Variants in FANCI observed in about 807,000 individuals in gnomAD.
FANCI encodes the protein FA complementation group I, also known as Fanconi anemia group I protein.
FANCI carries 156 observed loss-of-function variants against 176.1 expected under a neutral mutation model. The observed-to-expected ratio is 0.89, with a 90% confidence interval of 0.78 to 1.01. The LOEUF (loss-of-function observed/expected upper bound fraction) is 1.01, where lower values mean the gene tolerates loss of function less well. FANCI is among the 50% of genes least tolerant of loss of function. The probability of loss-of-function intolerance (pLI) is 0.00; values close to 1 mark genes in which losing one functional copy is unlikely to be tolerated. For missense variants in FANCI, 1,678 were observed against 1,534.1 expected, an observed-to-expected ratio of 1.09 and a Z score of -1.57; for synonymous variants, 613 against 541.7, an observed-to-expected ratio of 1.13 and a Z score of -1.83.
intron 34 of FANCI, among the ~76,000 whole-genome samples, chr15:89,310,700 T>C (rs2054920435): frequency 6.6e-6 from 1 of 152,268 alleles, no homozygotes; most frequent in African/African-American, 2.4e-5. Flanking sequence ...TCCACACCTC[T>C]CAGTGAACTG....
chr15:89,269,627 C>G lies in FANCI; in HGVS notation c.882+1102C>G, dbSNP rs372681622. ...TGATGTGTACATTTTCTTGCAAGGG[C>G]CAGATACTAATATTTTACACTTTGC... is the stretch of plus-strand genomic sequence containing the variant. On this transcript the variant is annotated intron_variant, in intron 10 of 37. Coordinates refer to ENST00000310775, the MANE Select transcript of FANCI (RefSeq NM_001113378.2). Among the ~76,000 whole-genome samples, 6 of 152,256 alleles carry G rather than the reference C, an allele frequency of 3.9e-5. No homozygotes were observed. In the East Asian group the frequency reaches 1.2e-3, roughly 29 times the overall value.
chr15:89,305,980 G>C (rs1208227822), intron 31 of FANCI, 27 bp from the exon 32 acceptor site: 1 of 1,613,332 alleles, frequency 6.2e-7, no homozygotes, highest in Admixed American at 1.7e-5. Context: ...AGTTGGGTTT[G>C]AATGTGCCAA....
chr15:89,279,276 G>A (rs1223753620), intron 14 of FANCI, among the ~76,000 whole-genome samples: 1 of 152,152 alleles, frequency 6.6e-6, no homozygotes, highest in African/African-American at 2.4e-5. Context: ...TCGTGTCTCA[G>A]CCTCCTCAGT....
chr15:89,307,511 A>T lies in FANCI; in HGVS notation c.3573A>T (p.Pro1191=). 1 of 1,614,122 alleles carries T rather than the reference A, an allele frequency of 6.2e-7. No individual in the cohort carries two copies. Among genetic ancestry groups the T allele is most frequent in the Non-Finnish European group, 8.5e-7 (1 of 1,179,988 alleles). ...LQVCQSSGGI[P]KNMEKLVKLS... is the part of the protein sequence containing the mutation. Reference sequence around the variant, plus strand: ...TGTGTCAGAGCTCCGGAGGAATTCCAAAAAATATGGAAAAGCTGGTGAGTT... The same window carrying T: ...TGTGTCAGAGCTCCGGAGGAATTCCTAAAAATATGGAAAAGCTGGTGAGTT... Residue 1191 remains proline (P), a synonymous_variant, in exon 33 of 38, where the codon CCA becomes CCT. Transcript: ENST00000310775.
intron 28 of FANCI, 148 bp from the exon 29 acceptor site, chr15:89,304,967 G>A: frequency 1.3e-6 from 1 of 797,552 alleles, no homozygotes; most frequent in South Asian, 1.4e-5. Context: ...GTAGAGACGG[G>A]GTTTCTCCAT....
In FANCI at chr15:89,261,755, G is replaced by A. The variant is rs762378388; in HGVS notation, c.445+14G>A. 2.0e-5 allele frequency: 32 copies of A among 1,613,946 alleles called. No homozygotes were observed. Among genetic ancestry groups the A allele is most frequent in the Middle Eastern group, 1.6e-4 (1 of 6,082 alleles). On this transcript the variant is annotated intron_variant, in intron 5 of 37. Coordinates refer to ENST00000310775, the MANE Select transcript of FANCI (RefSeq NM_001113378.2). ...CTTATGGAAAAGGTAATTTTCTTCC[G>A]ACTTTAGTGGCTTTTTCTCTATGCA...
At chr15:89,283,068 T>C (rs1040658780) in intron 16 of FANCI, 68 bp from the exon 17 acceptor site, 2 of 1,527,362 alleles carry the variant, frequency 1.3e-6, no homozygotes, top group Non-Finnish European at 1.8e-6. Context: ...ACTAGCTGGA[T>C]TTTTCTGACC....
chr15:89,302,116 G>A (rs1314111009), intron 27 of FANCI, among the ~76,000 whole-genome samples: 1 of 152,194 alleles, frequency 6.6e-6, no homozygotes, highest in Non-Finnish European at 1.5e-5. Context: ...GCCCAGGACT[G>A]TGTGCTCCTA....
chr15:89,262,913 T>C (rs2052775048), intron 6 of FANCI, among the ~76,000 whole-genome samples: 1 of 152,236 alleles, frequency 6.6e-6, no homozygotes, highest in African/African-American at 2.4e-5. Context: ...TAATTTTAAA[T>C]AGAGATGGGA....
chr15:89,305,026 T>G (rs2054663438), intron 28 of FANCI, 89 bp from the exon 29 acceptor site: 24 of 1,514,620 alleles, frequency 1.6e-5, no homozygotes, highest in Non-Finnish European at 2.2e-5. Flanking sequence ...TCCACCCGCC[T>G]TGGCCTCCCA....
rs777188335 is a variant in FANCI, at chr15:89,290,265, A to G, written c.1874A>G (p.Gln625Arg). 1.9e-6 allele frequency: 3 copies of G among 1,613,604 alleles called. No individual in the cohort carries two copies. The highest frequency in any genetic ancestry group is 2.2e-5 in the South Asian group (2 of 91,078). ...RNSQLANSVM[Q>R]TLLSQLKQFY... ...TCTCAGCTGGCTAATTCAGTCATGC[A>G]AACTCTGCTCTCACAGGTAAAATAC... The change falls in exon 19 of 38, where the codon CAA becomes CGA. Residue 625 changes from glutamine (Q) to arginine (R), a missense_variant. Around this residue, in one of 3 missense-constraint regions of FANCI, gnomAD observed 1,204 missense variants for 1,077.4 expected, o/e 1.12. Coordinates refer to ENST00000310775, the MANE Select transcript of FANCI (RefSeq NM_001113378.2).
At position 89,316,913 on chromosome 15, in the gene FANCI, G is replaced by T; in HGVS notation, c.*454G>T. ...AGTGAGCAAAGGAGCTTAATGCTAAGGTCAAAAGGAGAGTGAAAGGTTGAG... is the reference window on the plus strand; with the variant it reads ...AGTGAGCAAAGGAGCTTAATGCTAATGTCAAAAGGAGAGTGAAAGGTTGAG... On this transcript the variant is annotated 3_prime_UTR_variant, in exon 38 of 38. Coordinates refer to ENST00000310775, the MANE Select transcript of FANCI (RefSeq NM_001113378.2). 2 of 951,452 alleles carry T rather than the reference G, an allele frequency of 2.1e-6. No individual in the cohort carries two copies. The highest frequency in any genetic ancestry group is 3.5e-6 in the Non-Finnish European group (2 of 577,008). 58.9% of individuals were successfully genotyped at this position (951,452 alleles called of 1,614,324 possible).
chr15:89,297,382 C>T (rs1303901112), intron 24 of FANCI, among the ~76,000 whole-genome samples: 1 of 152,156 alleles, frequency 6.6e-6, no homozygotes, highest in Non-Finnish European at 1.5e-5. Flanking sequence ...AGGCTGCAAT[C>T]TCGGCACTTT....
At chr15:89,256,822 T>C (rs992875172) in intron 2 of FANCI, among the ~76,000 whole-genome samples, 4 of 152,206 alleles carry the variant, frequency 2.6e-5, no homozygotes, top group Non-Finnish European at 5.9e-5. Context: ...TAATCCCAAA[T>C]TTTCAGCACG....
At chr15:89,290,086 G>T in intron 18 of FANCI, 127 bp from the exon 19 acceptor site, 1 of 779,410 alleles carries the variant, frequency 1.3e-6, no homozygotes, top group Non-Finnish European at 2.2e-6. Flanking sequence ...ATTTAGGACT[G>T]TCAAATATGG....
At chr15:89,290,189 T>C (rs756966906) in intron 18 of FANCI, 24 bp from the exon 19 acceptor site, 9 of 1,593,940 alleles carry the variant, frequency 5.6e-6, no homozygotes, top group Non-Finnish European at 7.7e-6. Flanking sequence ...AAAGTGCTTA[T>C]TTCTTCTCTT....
chr15:89,306,068 A>C lies in FANCI; in HGVS notation c.3411A>C (p.Gln1137His). Reference sequence around the variant, plus strand: ...CTGTTGAGAAAGCTATCATCATGCAACTGGGAACTCTGCTTACATTTTTCC... The same window carrying C: ...CTGTTGAGAAAGCTATCATCATGCACCTGGGAACTCTGCTTACATTTTTCC... ...NQPVEKAIIM[Q>H]LGTLLTFFHE... Residue 1137 changes from glutamine (Q) to histidine (H), a missense_variant, in exon 32 of 38, where the codon CAA becomes CAC. Gln to His is a conservative substitution (Grantham distance 24). Transcript: ENST00000310775. 1 of 1,614,222 alleles carries C rather than the reference A, an allele frequency of 6.2e-7. No individual in the cohort carries two copies. Among genetic ancestry groups the C allele is most frequent in the Non-Finnish European group, 8.5e-7 (1 of 1,180,040 alleles).
rs28884488 is a variant in FANCI at position 89,272,105 on chromosome 15, A to T, written c.883-1272A>T. On this transcript the variant is annotated intron_variant, in intron 10 of 37. Transcript: ENST00000310775. ...CCTATTTCTCTGTGTCTTGGCCAAC[A>T]TTTGTTATTGTCTGTCTTTTTTATT... Among the ~76,000 whole-genome samples, 717 of 152,234 alleles carry T rather than the reference A, an allele frequency of 4.7e-3. 6 individuals are homozygous for T. The highest frequency in any genetic ancestry group is 0.016 in the African/African-American group (651 of 41,560).
At chr15:89,284,435 A>G (rs1271074968) in intron 17 of FANCI, among the ~76,000 whole-genome samples, 1 of 152,228 alleles carries the variant, frequency 6.6e-6, no homozygotes, top group East Asian at 1.9e-4. Context: ...ATTAAATATT[A>G]GGAACACTAG....
Sources: gnomAD v4.1 joint callset for allele counts (sites outside exome capture counted in the v4.1 genomes callset) on GRCh38, gnomAD v4.1.1 for gene constraint, gnomAD v4.1.1 regional missense constraint, MANE v1.5 for transcripts, NCBI Gene and HGNC (gene_info 2026-07-23, HGNC 2026-07-21) for gene names.